The following XKR4 variants were observed in gnomAD, a reference collection of about 807,000 sequenced individuals.
XKR4 encodes the protein XK-related protein 4.
In XKR4, 12 loss-of-function variants were observed where a neutral mutation model predicts 53.9. The ratio of observed to expected loss-of-function variants is 0.22; its 90% CI spans 0.14 to 0.36. The LOEUF (loss-of-function observed/expected upper bound fraction) is 0.36, where lower values mean the gene tolerates loss of function less well. Among genes scored for constraint, XKR4 ranks in the 10% least tolerant of loss-of-function variants. The pLI is 1.00. For missense variants in XKR4, 799 were observed against 859.5 expected (o/e 0.93, Z 0.88); for synonymous variants, 354 against 362.4 (o/e 0.98, Z 0.26).
chr8:55,110,437 C>G lies in XKR4; in HGVS notation c.806+7143C>G, dbSNP rs10099841. Among the ~76,000 whole-genome samples the G allele has an allele frequency of 4.9e-3, 741 of 152,250 alleles. 3 individuals carry two copies. Among genetic ancestry groups the G allele is most frequent in the Middle Eastern group, 0.01 (3 of 294 alleles). ...ACATACTCAGTGAATATCTGCTGAT[C>G]TGTGAATAGAACCCAGGCACTATTC... On this transcript the variant is annotated intron_variant, in intron 1 of 2. Coordinates refer to ENST00000327381, the MANE Select transcript of XKR4 (RefSeq NM_052898.2).
intron 2 of XKR4, among the ~76,000 whole-genome samples, chr8:55,399,165 C>T (rs1242184560): frequency 5.3e-5 from 8 of 152,182 alleles, no homozygotes; most frequent in Non-Finnish European, 1.0e-4. Context: ...CACTGACTTC[C>T]AGTGGGGAGT....
At chr8:55,192,940 A>G (rs1011700521) in intron 1 of XKR4, among the ~76,000 whole-genome samples, 2 of 152,128 alleles carry the variant, frequency 1.3e-5, no homozygotes, top group Admixed American at 6.5e-5. Flanking sequence ...ATGTGTGACC[A>G]GCAGGGCCAC....
chr8:55,487,165 G>A (rs775529407), intron 2 of XKR4, among the ~76,000 whole-genome samples: 2 of 152,208 alleles, frequency 1.3e-5, no homozygotes, highest in Non-Finnish European at 2.9e-5. Flanking sequence ...CTCAGTCCAA[G>A]GCCAAAAGCC....
At position 55,102,764 on chromosome 8, in the gene XKR4, C is replaced by T. The variant is rs1359463588; in HGVS notation, c.276C>T (p.Gly92=). 7.5e-7 allele frequency: 1 copy of T among 1,334,708 alleles called. No individual in the cohort carries two copies. The highest frequency in any genetic ancestry group is 9.6e-7 in the Non-Finnish European group (1 of 1,043,092). The allele number at this position is 1,334,708 out of a possible 1,614,324, so 82.7% of individuals were successfully genotyped here. A position where few individuals can be genotyped will look rare whatever the true frequency, so the allele number is the denominator to read the frequency against. Residue 92 remains glycine (G), a synonymous_variant, in exon 1 of 3, where the codon GGC becomes GGT. Coordinates refer to ENST00000327381, the MANE Select transcript of XKR4 (RefSeq NM_052898.2). The surrounding 1 kb of genome is among the most constrained non-coding windows in gnomAD (Gnocchi z 5.1). Reference sequence around the variant, plus strand: ...CCGGCCCGGGCGGCGGCGGGGCGGGCTCGGCTGCGCTGTGCCTGCGCCTGG... The same window carrying T: ...CCGGCCCGGGCGGCGGCGGGGCGGGTTCGGCTGCGCTGTGCCTGCGCCTGG... ...GVAGPGGGGA[G]SAALCLRLGR...
At chr8:55,232,574 A>G (rs1485837740) in intron 1 of XKR4, among the ~76,000 whole-genome samples, 2 of 152,230 alleles carry the variant, frequency 1.3e-5, no homozygotes, top group East Asian at 1.9e-4. Context: ...TTAAATTTTT[A>G]TGAACATACA....
chr8:55,114,787 C>G (rs919531248), intron 1 of XKR4, among the ~76,000 whole-genome samples: 2 of 152,200 alleles, frequency 1.3e-5, no homozygotes, highest in African/African-American at 4.8e-5. Flanking sequence ...ATCTGCTAAA[C>G]CACTGCCTGG....
At chr8:55,362,101 C>T (rs1170772724) in intron 2 of XKR4, among the ~76,000 whole-genome samples, 1 of 152,110 alleles carries the variant, frequency 6.6e-6, no homozygotes, top group Non-Finnish European at 1.5e-5. Flanking sequence ...AGAGAGTACA[C>T]ACAAAGGATT....
At chr8:55,192,926 G>A (rs572203509) in intron 1 of XKR4, among the ~76,000 whole-genome samples, 2 of 152,260 alleles carry the variant, frequency 1.3e-5, no homozygotes, top group African/African-American at 4.8e-5. Flanking sequence ...GTGAGGCTGT[G>A]TGGATGTGTG....
chr8:55,102,963 G>C lies in XKR4; in HGVS notation c.475G>C (p.Val159Leu), dbSNP rs746877694. The change falls in exon 1 of 3, where the codon GTG becomes CTG. Residue 159 changes from valine (V) to leucine (L), a missense_variant. Coordinates refer to ENST00000327381, the MANE Select transcript of XKR4 (RefSeq NM_052898.2). This position sits in a 1 kb window ranked among gnomAD's most constrained non-coding sequence, Gnocchi z 5.1. ...CTTCGTGGTGCTCGGCTCTCTGTCG[G>C]TGCAAGTGTTCAGCTTCCGCTGGTT... is the stretch of plus-strand genomic sequence containing the variant. ...LFFVVLGSLS[V>L]QVFSFRWFVH... 9.3e-6 allele frequency: 15 copies of C among 1,611,426 alleles called. No individual in the cohort carries two copies. Among genetic ancestry groups the C allele is most frequent in the Non-Finnish European group, 8.5e-7 (1 of 1,179,870 alleles).
chr8:55,388,250 A>G (rs1385847642), intron 2 of XKR4, among the ~76,000 whole-genome samples: 2 of 152,198 alleles, frequency 1.3e-5, no homozygotes, highest in Non-Finnish European at 1.5e-5. Context: ...AATTATAGGT[A>G]TCCTGGCATC....
chr8:55,354,990 G>A (rs1803777849), intron 1 of XKR4, among the ~76,000 whole-genome samples: 1 of 149,804 alleles, frequency 6.7e-6, no homozygotes, highest in Admixed American at 6.7e-5. Flanking sequence ...TGCAACCTCC[G>A]CCTCCTGGGT....
At chr8:55,405,252 C>A (rs1186878537) in intron 2 of XKR4, among the ~76,000 whole-genome samples, 1 of 152,124 alleles carries the variant, frequency 6.6e-6, no homozygotes, top group African/African-American at 2.4e-5. Context: ...TCAGGCCTGG[C>A]AGCCTGGATG....
intron 2 of XKR4, among the ~76,000 whole-genome samples, chr8:55,508,497 G>A (rs1006876298): frequency 2.0e-5 from 3 of 152,236 alleles, no homozygotes; most frequent in African/African-American, 7.2e-5. Context: ...AGACTGACAA[G>A]TAGCTTGACA....
At chr8:55,124,522 TC>T (rs1816435549) in intron 1 of XKR4, among the ~76,000 whole-genome samples, 1 of 152,212 alleles carries the variant, frequency 6.6e-6, no homozygotes, top group African/African-American at 2.4e-5. Context: ...TCAGTTGGTG[TC>T]ATTTTTAATC....
chr8:55,229,384 G>A (rs1817999762), intron 1 of XKR4, among the ~76,000 whole-genome samples: 1 of 152,202 alleles, frequency 6.6e-6, no homozygotes, highest in Non-Finnish European at 1.5e-5. Context: ...CTCAGCTGGC[G>A]CTCCCTTCCC....
rs767172821 is a variant in XKR4 at position 55,103,295 on chromosome 8, G to T, written c.806+1G>T. The T allele has an allele frequency of 6.2e-7, 1 of 1,600,386 alleles. No individual in the cohort carries two copies. The highest frequency in any genetic ancestry group is 1.1e-5 in the South Asian group (1 of 89,082). On this transcript the variant is annotated splice_donor_variant, in intron 1 of 2. Coordinates refer to ENST00000327381, the MANE Select transcript of XKR4 (RefSeq NM_052898.2). LOFTEE classifies it high-confidence loss of function. Reference sequence around the variant, plus strand: ...TCTTGCAGCTCGGGCAAATCTGGAGGTACTGTAATGGGTGGGGGAAAAGGG... The same window carrying T: ...TCTTGCAGCTCGGGCAAATCTGGAGTTACTGTAATGGGTGGGGGAAAAGGG...
At chr8:55,436,413 C>G (rs1395208340) in intron 2 of XKR4, among the ~76,000 whole-genome samples, 1 of 152,146 alleles carries the variant, frequency 6.6e-6, no homozygotes, top group Non-Finnish European at 1.5e-5. Flanking sequence ...TTGACAAGTT[C>G]CTGATCAGAT....
chr8:55,496,291 C>T (rs961736950), intron 2 of XKR4, among the ~76,000 whole-genome samples: 5 of 152,168 alleles, frequency 3.3e-5, no homozygotes, highest in African/African-American at 1.2e-4. Context: ...CTCTTATTCA[C>T]CCTGGCTGCC....
intron 1 of XKR4, among the ~76,000 whole-genome samples, chr8:55,291,513 T>C (rs1027026588): frequency 2.6e-5 from 4 of 152,190 alleles, no homozygotes; most frequent in African/African-American, 9.6e-5. Flanking sequence ...ATCTTTCAGT[T>C]TATTTAGATC....
Sources: gnomAD v4.1 joint callset for allele counts (sites outside exome capture counted in the v4.1 genomes callset) on GRCh38, gnomAD v4.1.1 for gene constraint, Gnocchi (gnomAD v3.1) non-coding constraint, MANE v1.5 for transcripts, NCBI Gene and HGNC (gene_info 2026-07-23, HGNC 2026-07-21) for gene names.